Variants in TRIM35 observed in about 807,000 individuals in gnomAD.
The protein encoded by TRIM35 is E3 ubiquitin-protein ligase TRIM35.
In TRIM35, 37 loss-of-function variants were observed where a neutral mutation model predicts 49.1. That is an observed-to-expected ratio of 0.75 (90% CI 0.58 to 0.99). TRIM35 has a LOEUF of 0.99. Ranked by LOEUF, TRIM35 falls within the 50% of genes least tolerant of loss-of-function variation. The pLI is 0.00. For missense variants in TRIM35, 648 were observed against 702.7 expected, an observed-to-expected ratio of 0.92 and a Z score of 0.88; for synonymous variants, 302 against 289.3, an observed-to-expected ratio of 1.04 and a Z score of -0.45.
chr8:27,286,574 C>G lies in TRIM35; in HGVS notation c.*976G>C, dbSNP rs1358973933. The G allele has an allele frequency of 4.9e-6, 1 of 204,304 alleles. No individual in the cohort carries two copies. The highest frequency in any genetic ancestry group is 2.3e-5 in the African/African-American group (1 of 42,728). 12.7% of individuals were successfully genotyped at this position (204,304 alleles called of 1,614,324 possible). ...GCCTGGCAAGGAAATAGGCCGAAAT[C>G]ACGATTTAAAAAATGTTGTGTTTAA... On this transcript the variant is annotated 3_prime_UTR_variant, in exon 6 of 6. Coordinates refer to ENST00000305364, the MANE Select transcript of TRIM35 (RefSeq NM_171982.5).
intron 1 of TRIM35, among the ~76,000 whole-genome samples, chr8:27,301,322 A>G (rs1182786964): frequency 1.3e-5 from 2 of 152,202 alleles, no homozygotes; most frequent in East Asian, 1.9e-4. Flanking sequence ...CTTCTTGTAC[A>G]TGTCTCCTGG....
chr8:27,290,074 C>T, intron 4 of TRIM35, 82 bp downstream of exon 4: 2 of 1,544,048 alleles, frequency 1.3e-6, no homozygotes, highest in Non-Finnish European at 1.8e-6. Flanking sequence ...TTGTTACCTG[C>T]TTGCCCCGGG....
chr8:27,299,128 C>T (rs1044176874), intron 1 of TRIM35, among the ~76,000 whole-genome samples: 1 of 152,142 alleles, frequency 6.6e-6, no homozygotes, highest in African/African-American at 2.4e-5. Context: ...TCTAACACTG[C>T]TTGTATCGCA....
chr8:27,299,942 C>A (rs1216902977), intron 1 of TRIM35, among the ~76,000 whole-genome samples: 1 of 152,208 alleles, frequency 6.6e-6, no homozygotes, highest in Non-Finnish European at 1.5e-5. Context: ...CTGTGGGTGA[C>A]TTGTTTCTAA....
intron 3 of TRIM35, among the ~76,000 whole-genome samples, chr8:27,291,763 T>C (rs949717157): frequency 3.3e-5 from 5 of 152,188 alleles, no homozygotes; most frequent in Non-Finnish European, 7.4e-5. Context: ...TCCAAGAGCA[T>C]GGCACCAGCA....
chr8:27,296,087 G>T (rs777509515), intron 2 of TRIM35, among the ~76,000 whole-genome samples: 1 of 151,260 alleles, frequency 6.6e-6, no homozygotes, highest in Non-Finnish European at 1.5e-5. Context: ...AAACAGCATG[G>T]TTAACCTATC....
intron 1 of TRIM35, among the ~76,000 whole-genome samples, chr8:27,309,526 C>T (rs1323144451): frequency 6.6e-6 from 1 of 152,128 alleles, no homozygotes; most frequent in East Asian, 1.9e-4. Context: ...AAGGCAGGGC[C>T]ACAGAGGGGG....
chr8:27,287,254 C>T lies in TRIM35; in HGVS notation c.*296G>A, dbSNP rs1300531965. On this transcript the variant is annotated 3_prime_UTR_variant, in exon 6 of 6. Coordinates refer to ENST00000305364, the MANE Select transcript of TRIM35 (RefSeq NM_171982.5). This position sits in a 1 kb window ranked among gnomAD's most constrained non-coding sequence, Gnocchi z 6.0. ...ACAACAGGCCCATTCTAGAAGTAAA[C>T]ATTATTCCCAGAAATCCTGGAATAG... The T allele has an allele frequency of 2.5e-6, 1 of 403,082 alleles. No homozygotes were observed. Among genetic ancestry groups the T allele is most frequent in the Non-Finnish European group, 4.5e-6 (1 of 222,306 alleles). 25.0% of individuals were successfully genotyped at this position (403,082 alleles called of 1,614,324 possible).
At chr8:27,308,298 G>A (rs1802829368) in intron 1 of TRIM35, among the ~76,000 whole-genome samples, 3 of 152,216 alleles carry the variant, frequency 2.0e-5, no homozygotes, top group South Asian at 2.1e-4. Flanking sequence ...GTTGACGTGT[G>A]AACACTGAAA....
chr8:27,305,905 T>C (rs1237084040), intron 1 of TRIM35, among the ~76,000 whole-genome samples: 3 of 152,168 alleles, frequency 2.0e-5, no homozygotes, highest in South Asian at 4.1e-4. Context: ...GGCCCAGTCA[T>C]AGCTCACTGC....
intron 2 of TRIM35, among the ~76,000 whole-genome samples, chr8:27,295,221 C>T (rs376306627): frequency 6.6e-6 from 1 of 152,162 alleles, no homozygotes; most frequent in East Asian, 1.9e-4. Flanking sequence ...AGACATTCCT[C>T]GGCACAGTAT....
chr8:27,309,000 T>C (rs1262999297), intron 1 of TRIM35, among the ~76,000 whole-genome samples: 1 of 152,240 alleles, frequency 6.6e-6, no homozygotes, highest in East Asian at 1.9e-4. Context: ...CTCTTTCACC[T>C]GGCTAACACC....
chr8:27,287,460 G>C lies in TRIM35; in HGVS notation c.*90C>G. On this transcript the variant is annotated 3_prime_UTR_variant, in exon 6 of 6. Transcript: ENST00000305364. This position sits in a 1 kb window ranked among gnomAD's most constrained non-coding sequence, Gnocchi z 6.0. ...GGAAGAGCCTGGCAAGGAGGCAGGG[G>C]CGCAATAGTGCCCAAGCAGTGTGGG... is the stretch of plus-strand genomic sequence containing the variant. 9 of 1,342,538 alleles carry C rather than the reference G, an allele frequency of 6.7e-6. No individual in the cohort carries two copies. The highest frequency in any genetic ancestry group is 9.0e-6 in the Non-Finnish European group (9 of 995,736). 83.2% of individuals were successfully genotyped at this position (1,342,538 alleles called of 1,614,324 possible).
chr8:27,294,055 T>C (rs369190562), intron 3 of TRIM35, 25 bp downstream of exon 3: 11 of 1,608,072 alleles, frequency 6.8e-6, no homozygotes, highest in African/African-American at 1.3e-5. Flanking sequence ...GCCCTGTCAC[T>C]GAATCCAGAC....
chr8:27,294,390 A>G, intron 2 of TRIM35, 80 bp from the exon 3 acceptor site: 1 of 1,347,092 alleles, frequency 7.4e-7, no homozygotes, highest in Non-Finnish European at 1.0e-6. Flanking sequence ...ATTTTTAGCA[A>G]AGGAAATTTA....
intron 1 of TRIM35, among the ~76,000 whole-genome samples, chr8:27,308,448 A>T (rs1410598218): frequency 5.3e-5 from 8 of 152,168 alleles, no homozygotes; most frequent in Admixed American, 5.2e-4. Flanking sequence ...AGAATCTTTC[A>T]GAGCTCCCCA....
At chr8:27,301,178 A>G (rs751858199) in intron 1 of TRIM35, among the ~76,000 whole-genome samples, 25 of 152,252 alleles carry the variant, frequency 1.6e-4, no homozygotes, top group Admixed American at 1.6e-3. Context: ...AGCATGTACT[A>G]GACACAAGGC....
At position 27,287,658 on chromosome 8, in the gene TRIM35, C is replaced by T. The variant is rs773851566; in HGVS notation, c.1374G>A (p.Gly458=). 3 of 1,610,216 alleles carry T rather than the reference C, an allele frequency of 1.9e-6. No homozygotes were observed. Among genetic ancestry groups the T allele is most frequent in the Non-Finnish European group, 1.7e-6 (2 of 1,178,440 alleles). ...CHLYTFHARF[G]EVRPYFYLGG... ...CCAGGTAGAAGTAGGGGCGAACCTCCCCAAAGCGGGCGTGGAAGGTGTACA... is the reference window on the plus strand; with the variant it reads ...CCAGGTAGAAGTAGGGGCGAACCTCTCCAAAGCGGGCGTGGAAGGTGTACA... Residue 458 remains glycine, a synonymous_variant, in exon 6 of 6, where the codon GGG becomes GGA. Coordinates refer to ENST00000305364, the MANE Select transcript of TRIM35 (RefSeq NM_171982.5). The surrounding 1 kb of genome is among the most constrained non-coding windows in gnomAD (Gnocchi z 6.0).
In TRIM35 at chr8:27,287,900, C is replaced by G; in HGVS notation, c.1132G>C (p.Asp378His). 6.2e-7 allele frequency: 1 copy of G among 1,613,200 alleles called. No homozygotes were observed. Among genetic ancestry groups the G allele is most frequent in the Non-Finnish European group, 8.5e-7 (1 of 1,179,866 alleles). ...WRVGVVRVRQDSGAEGHSHSC... is the reference protein window; with the variant it reads ...WRVGVVRVRQHSGAEGHSHSC... Reference sequence around the variant, plus strand: ...TGTGAGTGGCCCTCAGCGCCCGAGTCCTGGCGCACACGTACCACGCCCACC... The same window carrying G: ...TGTGAGTGGCCCTCAGCGCCCGAGTGCTGGCGCACACGTACCACGCCCACC... The change falls in exon 6 of 6, where the codon GAC becomes CAC. Residue 378 changes from aspartate (D) to histidine (H), a missense_variant. By Grantham distance (81) the Asp-to-His change is moderately conservative. Transcript: ENST00000305364. The surrounding 1 kb of genome is among the most constrained non-coding windows in gnomAD (Gnocchi z 6.0).
Sources: allele counts gnomAD v4.1 joint callset (sites outside exome capture counted in the v4.1 genomes callset), GRCh38; gene constraint gnomAD v4.1.1; non-coding constraint Gnocchi (gnomAD v3.1); transcripts MANE v1.5; gene names NCBI Gene and HGNC (gene_info 2026-07-23, HGNC 2026-07-21).